The following LRRTM4 variants were observed in gnomAD, a reference collection of about 807,000 sequenced individuals.
The protein encoded by LRRTM4 is leucine-rich repeat transmembrane neuronal protein 4.
LRRTM4 carries 25 observed loss-of-function variants against 47.6 expected under a neutral mutation model. The observed-to-expected ratio is 0.53, with a 90% CI of 0.38 to 0.73. The LOEUF is 0.73. LRRTM4 is among the 30% of genes least tolerant of loss of function. LRRTM4 has a pLI of 0.00. For missense variants in LRRTM4, 638 were observed against 713.4 expected, an observed-to-expected ratio of 0.89 and a Z score of 1.20; for synonymous variants, 311 against 269.5, an observed-to-expected ratio of 1.15 and a Z score of -1.51.
intron 3 of LRRTM4, among the ~76,000 whole-genome samples, chr2:77,062,770 C>G (rs1189623674): frequency 6.6e-6 from 1 of 152,014 alleles, no homozygotes; most frequent in Non-Finnish European, 1.5e-5. Context: ...TTATGGATCT[C>G]CAAAGTTTAA....
chr2:77,497,095 T>C (rs1573494896), intron 3 of LRRTM4, among the ~76,000 whole-genome samples: 1 of 151,740 alleles, frequency 6.6e-6, no homozygotes, highest in Non-Finnish European at 1.5e-5. Context: ...AGATGTTTAT[T>C]ATATTCTCTT....
chr2:76,762,851 A>C (rs892037674), intron 3 of LRRTM4, among the ~76,000 whole-genome samples: 3 of 152,212 alleles, frequency 2.0e-5, no homozygotes, highest in African/African-American at 7.2e-5. Context: ...ATTTTAAAAA[A>C]CAGTGTTTAT....
intron 3 of LRRTM4, among the ~76,000 whole-genome samples, chr2:77,291,255 G>T (rs1021534046): frequency 6.6e-6 from 1 of 151,948 alleles, no homozygotes; most frequent in African/African-American, 2.4e-5. Context: ...TAATAGAATT[G>T]AAACTAATTT....
chr2:77,210,568 T>C (rs1674263223), intron 3 of LRRTM4, among the ~76,000 whole-genome samples: 1 of 152,164 alleles, frequency 6.6e-6, no homozygotes, highest in Non-Finnish European at 1.5e-5. Flanking sequence ...TATATCCATT[T>C]AATTCCCCAC....
At chr2:77,260,375 G>GTA (rs1553418004) in intron 3 of LRRTM4, among the ~76,000 whole-genome samples, 4 of 5,452 alleles carry the variant, frequency 7.3e-4, no homozygotes, top group Non-Finnish European at 3.7e-3. Context: ...CCAAAAAATC[G>GTA]TGTGTGTGTG....
chr2:76,920,313 C>T (rs1232772122), intron 3 of LRRTM4, among the ~76,000 whole-genome samples: 5 of 152,122 alleles, frequency 3.3e-5, no homozygotes, highest in Non-Finnish European at 7.4e-5. Flanking sequence ...AGATAAGGTA[C>T]TTTAAATCCT....
At chr2:77,218,025 T>C (rs990706906) in intron 3 of LRRTM4, among the ~76,000 whole-genome samples, 5 of 152,184 alleles carry the variant, frequency 3.3e-5, no homozygotes, top group African/African-American at 7.2e-5. Flanking sequence ...TCACTCTTAT[T>C]GCCCTATTGC....
chr2:76,909,593 C>T lies in LRRTM4; in HGVS notation c.1552-160677G>A, dbSNP rs530244949. Among the ~76,000 whole-genome samples, 30 of 152,110 alleles carry T rather than the reference C, an allele frequency of 2.0e-4. No homozygotes were observed. The South Asian group carries it at 5.2e-3, about 26-fold the overall frequency. The stretch of plus-strand genomic sequence containing the variant: ...TGGGAGAAAATTTTCGCAACCTACT[C>T]ATTTGACAAAGGGCTAATATCCAGA... On this transcript the variant is annotated intron_variant, in intron 3 of 3. Coordinates refer to ENST00000409884, the MANE Select transcript of LRRTM4 (RefSeq NM_001134745.3).
intron 3 of LRRTM4, among the ~76,000 whole-genome samples, chr2:77,509,099 GCA>G (rs1196514814): frequency 2.6e-5 from 4 of 151,916 alleles, no homozygotes; most frequent in Non-Finnish European, 5.9e-5. Context: ...AGGCATGGTA[GCA>G]CACACCTGTA....
At chr2:76,760,066 T>C (rs1673195717) in intron 3 of LRRTM4, among the ~76,000 whole-genome samples, 1 of 152,286 alleles carries the variant, frequency 6.6e-6, no homozygotes, top group Admixed American at 6.5e-5. Context: ...TATAAGAATG[T>C]ATGAATTTGA....
At chr2:77,436,265 G>C (rs914311693) in intron 3 of LRRTM4, among the ~76,000 whole-genome samples, 1 of 152,056 alleles carries the variant, frequency 6.6e-6, no homozygotes, top group Non-Finnish European at 1.5e-5. Context: ...TTACGTAGTG[G>C]TGAGGTTACA....
At chr2:76,861,603 T>A (rs1672314754) in intron 3 of LRRTM4, among the ~76,000 whole-genome samples, 1 of 152,194 alleles carries the variant, frequency 6.6e-6, no homozygotes, top group Non-Finnish European at 1.5e-5. Context: ...TGTTCCTTAA[T>A]CTTGACATAG....
intron 3 of LRRTM4, among the ~76,000 whole-genome samples, chr2:77,220,999 C>T (rs1674610331): frequency 6.6e-6 from 1 of 152,202 alleles, no homozygotes; most frequent in East Asian, 1.9e-4. Flanking sequence ...AGACTAACAG[C>T]TGATCTCTTG....
chr2:76,969,727 ACTTG>A (rs1676155469), intron 3 of LRRTM4, among the ~76,000 whole-genome samples: 2 of 152,000 alleles, frequency 1.3e-5, no homozygotes, highest in African/African-American at 2.4e-5. Context: ...ATATTTGAGT[ACTTG>A]CTTAATTCTC....
chr2:77,469,895 C>A (rs1243167732), intron 3 of LRRTM4, among the ~76,000 whole-genome samples: 1 of 152,002 alleles, frequency 6.6e-6, no homozygotes, highest in Admixed American at 6.6e-5. Context: ...TAATTGTCTC[C>A]ATTTTTAAGT....
chr2:77,298,493 TC>T (rs1418023375), intron 3 of LRRTM4, among the ~76,000 whole-genome samples: 1 of 152,164 alleles, frequency 6.6e-6, no homozygotes, highest in Non-Finnish European at 1.5e-5. Context: ...CGCCTCGGCC[TC>T]CCAAAGTGCT....
chr2:77,082,523 T>C (rs1425518459), intron 3 of LRRTM4, among the ~76,000 whole-genome samples: 1 of 152,140 alleles, frequency 6.6e-6, no homozygotes, highest in Non-Finnish European at 1.5e-5. Context: ...AGCCTTTACC[T>C]ATAGAATTTA....
intron 3 of LRRTM4, among the ~76,000 whole-genome samples, chr2:77,224,050 A>G (rs1032627460): frequency 3.3e-5 from 5 of 151,354 alleles, no homozygotes; most frequent in Non-Finnish European, 7.4e-5. Context: ...CTCAGAAATG[A>G]TGCCGCATAT....
intron 3 of LRRTM4, among the ~76,000 whole-genome samples, chr2:76,964,210 G>T (rs998815345): frequency 9.3e-5 from 14 of 150,918 alleles, no homozygotes; most frequent in African/African-American, 3.4e-4. Flanking sequence ...ACGGGGGATA[G>T]TGTTATGTGT....
Sources: gnomAD v4.1 joint callset for allele counts (sites outside exome capture counted in the v4.1 genomes callset) on GRCh38, gnomAD v4.1.1 for gene constraint, MANE v1.5 for transcripts, NCBI Gene and HGNC (gene_info 2026-07-23, HGNC 2026-07-21) for gene names.